Variants in C3orf18 observed in about 807,000 individuals in gnomAD.
C3orf18 encodes the protein chromosome 3 open reading frame 18, also known as uncharacterized protein C3orf18.
Under a neutral mutation model 14.1 loss-of-function variants are expected in C3orf18, and 12 were observed. The ratio of observed to expected loss-of-function variants is 0.85; its 90% confidence interval spans 0.55 to 1.38. The LOEUF is 1.38. Among genes scored for constraint, C3orf18 ranks in the 40% most tolerant of loss-of-function variants. The probability of loss-of-function intolerance (pLI) is 0.00; values close to 1 mark genes in which losing one functional copy is unlikely to be tolerated. For synonymous variants in C3orf18, 82 were observed against 87.9 expected, an observed-to-expected ratio of 0.93 and a Z score of 0.38; for missense variants, 196 against 213.9, an observed-to-expected ratio of 0.92 and a Z score of 0.52.
At chr3:50,571,590 C>A (rs1700965404), upstream of C3orf18, 14 of 948,850 alleles carry the variant, frequency 1.5e-5, no homozygotes, top group South Asian at 1.9e-4. Context: ...CCCTCTGGGC[C>A]CAGATGATGA....
intron 1 of C3orf18, among the ~76,000 whole-genome samples, chr3:50,567,005 G>C (rs1700348110): frequency 6.6e-6 from 1 of 152,176 alleles, no homozygotes; most frequent in African/African-American, 2.4e-5. Context: ...CAGATGCATG[G>C]GCGTGTGTGA....
upstream of C3orf18, chr3:50,571,912 G>A: frequency 2.3e-6 from 3 of 1,282,888 alleles, no homozygotes; most frequent in East Asian, 2.6e-5. Context: ...CTAGGGAGGT[G>A]TTGGGGTGCA....
chr3:50,561,831 G>A (rs1699987863), intron 3 of C3orf18, 84 bp from the exon 4 acceptor site: 1 of 1,440,336 alleles, frequency 6.9e-7, no homozygotes, highest in South Asian at 1.1e-5. Flanking sequence ...GACATGCTGA[G>A]GCTGATGAAC....
chr3:50,572,579 G>A (rs1701122367), upstream of C3orf18, among the ~76,000 whole-genome samples: 1 of 152,246 alleles, frequency 6.6e-6, no homozygotes, highest in Non-Finnish European at 1.5e-5. Flanking sequence ...TGGAGGAAGT[G>A]GAGAGGGCTC....
upstream of C3orf18, chr3:50,571,235 T>C (rs762605656): frequency 2.5e-6 from 4 of 1,613,628 alleles, no homozygotes; most frequent in Non-Finnish European, 3.4e-6. Context: ...GCCATAGAAC[T>C]GGTCAGCCAC....
chr3:50,564,052 C>T (rs990798789), intron 3 of C3orf18, among the ~76,000 whole-genome samples: 1 of 152,244 alleles, frequency 6.6e-6, no homozygotes, highest in Non-Finnish European at 1.5e-5. Context: ...GGCAGTTGCT[C>T]CCTGGCAGCA....
upstream of C3orf18, chr3:50,571,863 A>G: frequency 6.6e-7 from 1 of 1,519,246 alleles, no homozygotes; most frequent in East Asian, 2.3e-5. Context: ...AGCCTCCCCT[A>G]TCCCCACCAA....
At chr3:50,571,276 C>T (rs758580065), upstream of C3orf18, 16 of 1,612,606 alleles carry the variant, frequency 9.9e-6, no homozygotes, top group South Asian at 1.7e-4. Context: ...GAGGGGTATC[C>T]CTGAGGCCCG....
At position 50,565,595 on chromosome 3, in the gene C3orf18, A is replaced by G. The variant is rs1268567341; in HGVS notation, c.105T>C (p.Thr35=). Residue 35 remains threonine (T), a synonymous_variant, in exon 3 of 6, where the codon ACT becomes ACC. Coordinates refer to ENST00000357203, the MANE Select transcript of C3orf18 (RefSeq NM_016210.5). This position sits in a 1 kb window ranked among gnomAD's most constrained non-coding sequence, Gnocchi z 4.4. ...PATDGPASET[T]TLSPEATTFN... Reference sequence around the variant, plus strand: ...AGGTGGTGGCCTCTGGGCTGAGGGTAGTGGTCTCGGAGGCTGGCCCATCTG... The same window carrying G: ...AGGTGGTGGCCTCTGGGCTGAGGGTGGTGGTCTCGGAGGCTGGCCCATCTG... 1 of 1,613,928 alleles carries G rather than the reference A, an allele frequency of 6.2e-7. No homozygotes were observed. The highest frequency in any genetic ancestry group is 1.1e-5 in the South Asian group (1 of 91,070).
chr3:50,561,706 T>C lies in C3orf18; in HGVS notation c.260+16A>G, dbSNP rs749193240. 3 of 1,613,190 alleles carry C rather than the reference T, an allele frequency of 1.9e-6. No individual in the cohort carries two copies. Among genetic ancestry groups the C allele is most frequent in the Non-Finnish European group, 1.7e-6 (2 of 1,179,774 alleles). ...CTCAAGTTTTGGGTGGGATTTGGGT[T>C]TGGGTGGGGAATTACCTCTTCTTCT... On this transcript the variant is annotated intron_variant, in intron 4 of 5. Coordinates refer to ENST00000357203, the MANE Select transcript of C3orf18 (RefSeq NM_016210.5).
chr3:50,571,665 C>T (rs1004395203), upstream of C3orf18: 2 of 1,566,848 alleles, frequency 1.3e-6, no homozygotes, highest in Admixed American at 1.7e-5. Flanking sequence ...GGGTTGGGGG[C>T]CTTGGGCCCA....
At chr3:50,572,294 A>AGTGCCCC, upstream of C3orf18, 1 of 1,503,432 alleles carries the variant, frequency 6.7e-7, no homozygotes, top group Non-Finnish European at 9.0e-7. Context: ...TCCAGGGGGC[A>AGTGCCCC]CTGGGGCCCC....
chr3:50,559,249 A>C lies in C3orf18; in HGVS notation c.*408T>G, dbSNP rs1209321804. The stretch of plus-strand genomic sequence containing the variant: ...CAGAGGAGGCTCCAGATTCCAAAAA[A>C]CAGGTCTCTCCCTAACAGAGGGAAA... On this transcript the variant is annotated 3_prime_UTR_variant, in exon 6 of 6. Transcript: ENST00000357203. The C allele has an allele frequency of 7.8e-7, 1 of 1,275,500 alleles. No individual in the cohort carries two copies. 79.0% of individuals were successfully genotyped at this position (1,275,500 alleles called of 1,614,324 possible). A position where few individuals can be genotyped will look rare whatever the true frequency, so the allele number is the denominator to read the frequency against.
At chr3:50,564,595 A>C (rs1236510529) in intron 3 of C3orf18, among the ~76,000 whole-genome samples, 1 of 151,526 alleles carries the variant, frequency 6.6e-6, no homozygotes, top group East Asian at 1.9e-4. Context: ...TTCCCTTGGA[A>C]CCCTTGGTTT....
rs1411503286 is a variant in C3orf18, at chr3:50,565,621, T to C, written c.79A>G (p.Thr27Ala). ...GTGGTCTCGGAGGCTGGCCCATCTGTGGCAGGTTCCAGGTCAGACTCAGAG... is the reference window on the plus strand; with the variant it reads ...GTGGTCTCGGAGGCTGGCCCATCTGCGGCAGGTTCCAGGTCAGACTCAGAG... ...PTSESDLEPATDGPASETTTL... is the reference protein window; with the variant it reads ...PTSESDLEPAADGPASETTTL... The change falls in exon 3 of 6, where the codon ACA becomes GCA. Residue 27 changes from threonine (T) to alanine (A), a missense_variant. Thr to Ala is a moderately conservative substitution (Grantham distance 58, BLOSUM62 0). Coordinates refer to ENST00000357203, the MANE Select transcript of C3orf18 (RefSeq NM_016210.5). The surrounding 1 kb of genome is among the most constrained non-coding windows in gnomAD (Gnocchi z 4.4). 6.2e-7 allele frequency: 1 copy of C among 1,613,810 alleles called. No homozygotes were observed. Among genetic ancestry groups the C allele is most frequent in the South Asian group, 1.1e-5 (1 of 91,076 alleles).
chr3:50,567,381 T>C (rs569276033), intron 1 of C3orf18, 82 bp downstream of exon 1: 218 of 152,620 alleles, frequency 1.4e-3, no homozygotes, highest in Admixed American at 3.5e-3. Context: ...CTCTCAGTCC[T>C]CCCTGCCCCA....
chr3:50,558,903 G>C lies in C3orf18; in HGVS notation c.*754C>G, dbSNP rs1057374070. ...GCTGTGCTGGGACAGGCACATGTCTGCCCATGGGCACACTCATGCACATGC... is the reference window on the plus strand; with the variant it reads ...GCTGTGCTGGGACAGGCACATGTCTCCCCATGGGCACACTCATGCACATGC... On this transcript the variant is annotated 3_prime_UTR_variant, in exon 6 of 6. Transcript: ENST00000357203. 2.3e-6 allele frequency: 3 copies of C among 1,289,336 alleles called. No homozygotes were observed. The African/African-American group carries it at 4.6e-5, about 20-fold the overall frequency. The allele number at this position is 1,289,336 out of a possible 1,614,324, so 79.9% of individuals were successfully genotyped here. A position where few individuals can be genotyped will look rare whatever the true frequency, so the allele number is the denominator to read the frequency against.
upstream of C3orf18, among the ~76,000 whole-genome samples, chr3:50,568,763 AAGT>A (rs1700566900): frequency 6.6e-6 from 1 of 151,992 alleles, no homozygotes; most frequent in Non-Finnish European, 1.5e-5. Flanking sequence ...AAGAAAAAAA[AAGT>A]AGTTAACAGT....
intron 3 of C3orf18, chr3:50,562,706 G>C: frequency 2.8e-6 from 1 of 359,542 alleles, no homozygotes; most frequent in South Asian, 2.1e-5. Context: ...GGAGGCTGAC[G>C]GCCCCCAGTG....
Sources: gnomAD v4.1 joint callset for allele counts (sites outside exome capture counted in the v4.1 genomes callset) on GRCh38, gnomAD v4.1.1 for gene constraint, Gnocchi (gnomAD v3.1) non-coding constraint, MANE v1.5 for transcripts, NCBI Gene and HGNC (gene_info 2026-07-23, HGNC 2026-07-21) for gene names.